WDR41: variants seen among roughly 807,000 people sequenced by gnomAD.
WDR41 encodes the protein WD repeat domain 41, also known as WD repeat-containing protein 41.
Under a neutral mutation model 69.3 loss-of-function variants are expected in WDR41, and 63 were observed. The observed-to-expected ratio is 0.91, with a 90% CI of 0.74 to 1.12. The LOEUF is 1.12. Among genes scored for constraint, WDR41 ranks in the 50% most tolerant of loss-of-function variants. The pLI is 0.00. For missense variants in WDR41, 543 were observed against 534.5 expected (o/e 1.02, Z -0.16); for synonymous variants, 185 against 192.1 (o/e 0.96, Z 0.31).
intron 1 of WDR41, among the ~76,000 whole-genome samples, chr5:77,512,226 T>C: frequency 6.6e-6 from 1 of 152,100 alleles, no homozygotes; most frequent in Non-Finnish European, 1.5e-5. Flanking sequence ...GCTAATATAA[T>C]TGGCATAGGG....
chr5:77,569,714 T>C (rs951283515), intron 1 of WDR41, among the ~76,000 whole-genome samples: 2 of 152,226 alleles, frequency 1.3e-5, no homozygotes, highest in Admixed American at 6.5e-5. Flanking sequence ...AAATGTCGTA[T>C]ATAATAGTCA....
At chr5:77,580,143 T>C (rs1743910264) in intron 1 of WDR41, among the ~76,000 whole-genome samples, 1 of 152,216 alleles carries the variant, frequency 6.6e-6, no homozygotes, top group Non-Finnish European at 1.5e-5. Flanking sequence ...TTTATTCTGA[T>C]AAGTAAATGT....
At chr5:77,594,037 CATAG>C (rs1385344798) in intron 1 of WDR41, among the ~76,000 whole-genome samples, 2 of 151,854 alleles carry the variant, frequency 1.3e-5, no homozygotes, top group African/African-American at 4.8e-5. Context: ...ATGATAGATA[CATAG>C]ATAGATATAA....
chr5:77,445,599 G>A (rs1337015307), intron 8 of WDR41, among the ~76,000 whole-genome samples: 3 of 152,148 alleles, frequency 2.0e-5, no homozygotes, highest in Non-Finnish European at 4.4e-5. Context: ...CTTCATCCCT[G>A]GGATGCAAGG....
chr5:77,445,769 A>G (rs990770081), intron 8 of WDR41, among the ~76,000 whole-genome samples: 3 of 152,180 alleles, frequency 2.0e-5, no homozygotes, highest in Admixed American at 6.5e-5. Context: ...TTGATAGAAC[A>G]TATCTCAAAA....
rs1268265468 is a variant in WDR41, at chr5:77,431,505, G to C, written c.*1630C>G. 1 of 152,144 alleles carries C rather than the reference G, an allele frequency of 6.6e-6. No individual in the cohort carries two copies. The highest frequency in any genetic ancestry group is 2.4e-5 in the African/African-American group (1 of 41,438). 9.4% of individuals were successfully genotyped at this position (152,144 alleles called of 1,614,324 possible). The stretch of plus-strand genomic sequence containing the variant: ...TATTTGCAATAGTTGCTTTTTTGAT[G>C]TGGTCTGAAACCTAACCTGTAGTAT... On this transcript the variant is annotated 3_prime_UTR_variant, in exon 13 of 13. Transcript: ENST00000296679.
At chr5:77,615,368 T>A (rs1349068624) in intron 1 of WDR41, among the ~76,000 whole-genome samples, 1 of 152,144 alleles carries the variant, frequency 6.6e-6, no homozygotes, top group Non-Finnish European at 1.5e-5. Context: ...AAAATATTTA[T>A]AATGTCTGAG....
intron 1 of WDR41, among the ~76,000 whole-genome samples, chr5:77,534,046 A>G (rs1204090129): frequency 6.6e-6 from 1 of 152,206 alleles, no homozygotes; most frequent in Non-Finnish European, 1.5e-5. Flanking sequence ...ATATTAACCT[A>G]TAAAATACAA....
intron 9 of WDR41, among the ~76,000 whole-genome samples, chr5:77,439,055 C>CA (rs1799055091): frequency 6.6e-6 from 1 of 152,154 alleles, no homozygotes; most frequent in South Asian, 2.1e-4. Flanking sequence ...TAAAGTCACA[C>CA]AAGAAATGAA....
At chr5:77,576,137 C>T (rs1273799263) in intron 1 of WDR41, among the ~76,000 whole-genome samples, 1 of 152,200 alleles carries the variant, frequency 6.6e-6, no homozygotes, top group South Asian at 2.1e-4. Context: ...TATGACAAAA[C>T]GCACCCTTAC....
chr5:77,606,038 C>A (rs1437234316), intron 1 of WDR41, among the ~76,000 whole-genome samples: 3 of 152,128 alleles, frequency 2.0e-5, no homozygotes, highest in African/African-American at 7.2e-5. Flanking sequence ...TGATTTGGAG[C>A]AGTTAGGGAA....
chr5:77,447,733 CAG>C (rs1364390940), intron 8 of WDR41, among the ~76,000 whole-genome samples: 1 of 152,100 alleles, frequency 6.6e-6, no homozygotes, highest in Non-Finnish European at 1.5e-5. Context: ...CATATGGACA[CAG>C]AGAGGGGAAC....
intron 1 of WDR41, among the ~76,000 whole-genome samples, chr5:77,524,182 T>C (rs1802412382): frequency 6.6e-6 from 1 of 152,198 alleles, no homozygotes; most frequent in African/African-American, 2.4e-5. Context: ...CAAATAAAAA[T>C]ATGACAGTTT....
At chr5:77,575,369 T>C (rs1403705442) in intron 1 of WDR41, among the ~76,000 whole-genome samples, 3 of 152,226 alleles carry the variant, frequency 2.0e-5, no homozygotes, top group Admixed American at 1.3e-4. Context: ...AATATGGACA[T>C]TTATGAAGGA....
chr5:77,438,739 T>C (rs1404701277), intron 9 of WDR41, among the ~76,000 whole-genome samples: 3 of 152,146 alleles, frequency 2.0e-5, no homozygotes, highest in African/African-American at 7.2e-5. Flanking sequence ...GAAAATTACC[T>C]AGCTTCTTCT....
chr5:77,533,324 T>C (rs754410933), intron 1 of WDR41, among the ~76,000 whole-genome samples: 28 of 152,148 alleles, frequency 1.8e-4, no homozygotes, highest in Non-Finnish European at 2.8e-4. Context: ...ATAAGTAAAA[T>C]CTGATACATA....
At chr5:77,609,667 C>T (rs1240458732) in intron 1 of WDR41, among the ~76,000 whole-genome samples, 1 of 152,062 alleles carries the variant, frequency 6.6e-6, no homozygotes, top group African/African-American at 2.4e-5. Context: ...ACATCACCAT[C>T]ATCAAAGACC....
chr5:77,540,821 A>C (rs186924775), intron 1 of WDR41, among the ~76,000 whole-genome samples: 1 of 152,184 alleles, frequency 6.6e-6, no homozygotes, highest in Non-Finnish European at 1.5e-5. Context: ...ATTGTATAAA[A>C]CCTGTTTCAC....
chr5:77,545,076 G>A (rs1743166888), intron 1 of WDR41, among the ~76,000 whole-genome samples: 1 of 152,058 alleles, frequency 6.6e-6, no homozygotes, highest in Admixed American at 6.5e-5. Flanking sequence ...TGATCATTGG[G>A]TGAAAAATGA....
Sources: gnomAD v4.1 joint callset for allele counts (sites outside exome capture counted in the v4.1 genomes callset) on GRCh38, gnomAD v4.1.1 for gene constraint, MANE v1.5 for transcripts, NCBI Gene and HGNC (gene_info 2026-07-23, HGNC 2026-07-21) for gene names.